Variants in AGPAT3 observed in about 807,000 individuals in gnomAD.
AGPAT3 encodes the protein 1-acyl-sn-glycerol-3-phosphate acyltransferase gamma.
Under a neutral mutation model 47.3 loss-of-function variants are expected in AGPAT3, and 5 were observed. That is an observed-to-expected ratio of 0.11 (90% CI 0.06 to 0.22). AGPAT3 has a LOEUF of 0.22. Among genes scored for constraint, AGPAT3 ranks in the 10% least tolerant of loss-of-function variants. The pLI is 1.00. For synonymous variants in AGPAT3, 212 were observed against 208.3 expected (o/e 1.02, Z -0.15); for missense variants, 315 against 493.0 (o/e 0.64, Z 3.42).
At chr21:43,901,879 A>C (rs2086365702) in intron 1 of AGPAT3, among the ~76,000 whole-genome samples, 1 of 152,258 alleles carries the variant, frequency 6.6e-6, no homozygotes, top group Non-Finnish European at 1.5e-5. Context: ...ACTTGAAGAC[A>C]CAGCACTTTG....
intron 1 of AGPAT3, among the ~76,000 whole-genome samples, chr21:43,871,358 G>A (rs2085620451): frequency 6.6e-6 from 1 of 152,208 alleles, no homozygotes; most frequent in Non-Finnish European, 1.5e-5. Flanking sequence ...GCATCAATTG[G>A]AAAAACAACG....
At chr21:43,972,170 A>C (rs866925350) in intron 7 of AGPAT3, among the ~76,000 whole-genome samples, 1 of 151,202 alleles carries the variant, frequency 6.6e-6, no homozygotes, top group Non-Finnish European at 1.5e-5. Context: ...TTGGAGACGG[A>C]GTTTCACCCC....
At chr21:43,917,125 C>T (rs1253890239) in intron 2 of AGPAT3, among the ~76,000 whole-genome samples, 1 of 152,148 alleles carries the variant, frequency 6.6e-6, no homozygotes, top group African/African-American at 2.4e-5. Context: ...GCCTGCCCCA[C>T]CGCCCCATTT....
At chr21:43,974,902 A>G (rs1601471808) in intron 7 of AGPAT3, among the ~76,000 whole-genome samples, 1 of 152,318 alleles carries the variant, frequency 6.6e-6, no homozygotes, top group South Asian at 2.1e-4. Context: ...CCTGGGGCCA[A>G]TGTGAAGCTG....
In AGPAT3 at chr21:43,884,506, C is replaced by T. The variant is rs1244510025; in HGVS notation, c.-112+19161C>T. Reference sequence around the variant, plus strand: ...CTGTGGTCTCGCCCAGCTGGCTGTGCTATTGCGGGACATGGGGCCCAGCCT... The same window carrying T: ...CTGTGGTCTCGCCCAGCTGGCTGTGTTATTGCGGGACATGGGGCCCAGCCT... On this transcript the variant is annotated intron_variant, in intron 1 of 9. Transcript: ENST00000291572. Among the ~76,000 whole-genome samples the T allele has an allele frequency of 3.9e-5, 6 of 152,338 alleles. No individual in the cohort carries two copies. In the East Asian group the frequency reaches 1.2e-3, roughly 29 times the overall value.
At chr21:43,865,883 T>TTTC (rs936507875) in intron 1 of AGPAT3, among the ~76,000 whole-genome samples, 16 of 151,868 alleles carry the variant, frequency 1.1e-4, no homozygotes, top group Non-Finnish European at 1.5e-5. Context: ...AGGGAGCAGT[T>TTTC]TCACTTTTGC....
At chr21:43,916,437 A>G (rs2086731155) in intron 2 of AGPAT3, 1 of 152,094 alleles carries the variant, frequency 6.6e-6, no homozygotes, top group Non-Finnish European at 1.5e-5. Flanking sequence ...AACATATCGA[A>G]TGACTATATC....
intron 2 of AGPAT3, among the ~76,000 whole-genome samples, chr21:43,951,305 A>G (rs1263522511): frequency 2.0e-5 from 3 of 152,250 alleles, no homozygotes; most frequent in African/African-American, 7.2e-5. Context: ...TGAAATCCAT[A>G]TGGAACTAAG....
intron 2 of AGPAT3, among the ~76,000 whole-genome samples, chr21:43,923,775 C>T (rs1341446889): frequency 1.3e-5 from 2 of 152,296 alleles, no homozygotes; most frequent in Admixed American, 1.3e-4. Context: ...GGTACCAGGG[C>T]TTCTGTCCCT....
chr21:43,892,329 A>G (rs891495760), intron 1 of AGPAT3, among the ~76,000 whole-genome samples: 2 of 152,048 alleles, frequency 1.3e-5, no homozygotes, highest in African/African-American at 4.8e-5. Flanking sequence ...AGAAAAAAAA[A>G]GAAATTACTC....
At position 43,981,248 on chromosome 21, in the gene AGPAT3, G is replaced by C; in HGVS notation, c.1042+61G>C. On this transcript the variant is annotated intron_variant, in intron 9 of 9. Transcript: ENST00000291572. The surrounding 1 kb of genome is among the most constrained non-coding windows in gnomAD (Gnocchi z 5.3). ...CGGGCCTCACAGTATCAGCCACAGG[G>C]TCCGGGACCTGGTGACTCATCACAG... 2 of 1,567,988 alleles carry C rather than the reference G, an allele frequency of 1.3e-6. No individual in the cohort carries two copies. The highest frequency in any genetic ancestry group is 1.8e-6 in the Non-Finnish European group (2 of 1,140,472).
chr21:43,947,271 C>T (rs2838446), intron 2 of AGPAT3, among the ~76,000 whole-genome samples: 67,687 of 152,144 alleles, frequency 0.44, 15,276 homozygotes, highest in East Asian at 0.6. Context: ...TTCCGATTCC[C>T]GGTGAGACAG....
At chr21:43,912,700 ATAG>A (rs2086653539) in intron 2 of AGPAT3, among the ~76,000 whole-genome samples, 1 of 152,236 alleles carries the variant, frequency 6.6e-6, no homozygotes, top group South Asian at 2.1e-4. Context: ...CTTATCGTCA[ATAG>A]TCCTGTTAAT....
intron 2 of AGPAT3, among the ~76,000 whole-genome samples, chr21:43,915,853 A>G (rs557613402): frequency 7.9e-5 from 12 of 152,106 alleles, no homozygotes; most frequent in African/African-American, 2.2e-4. Context: ...GTAATTTTCA[A>G]CTTTTTAAGT....
intron 1 of AGPAT3, among the ~76,000 whole-genome samples, chr21:43,899,120 C>T (rs1051353427): frequency 2.6e-5 from 4 of 152,188 alleles, no homozygotes; most frequent in Non-Finnish European, 5.9e-5. Flanking sequence ...TTGAAGTGCA[C>T]GTACATGAGA....
At chr21:43,910,680 AGGAATTATCT>A (rs1742016459) in intron 2 of AGPAT3, among the ~76,000 whole-genome samples, 1 of 152,192 alleles carries the variant, frequency 6.6e-6, no homozygotes, top group African/African-American at 2.4e-5. Context: ...GTGTGGGAGG[AGGAATTATCT>A]TTGTGCTCTG....
chr21:43,869,073 G>A (rs1197788273), intron 1 of AGPAT3, among the ~76,000 whole-genome samples: 2 of 152,244 alleles, frequency 1.3e-5, no homozygotes, highest in African/African-American at 2.4e-5. Context: ...TTCACTTGTA[G>A]AAGGCCGTAC....
intron 2 of AGPAT3, among the ~76,000 whole-genome samples, chr21:43,923,803 G>A (rs1397578590): frequency 1.3e-5 from 2 of 152,144 alleles, no homozygotes; most frequent in Non-Finnish European, 2.9e-5. Flanking sequence ...TGGGGTGCAC[G>A]GGCCTCCCAG....
At chr21:43,926,406 A>G (rs1419108048) in intron 2 of AGPAT3, among the ~76,000 whole-genome samples, 1 of 152,144 alleles carries the variant, frequency 6.6e-6, no homozygotes, top group Non-Finnish European at 1.5e-5. Context: ...CAGGGAGGGC[A>G]TGCGCATCTG....
Sources: allele counts gnomAD v4.1 joint callset (sites outside exome capture counted in the v4.1 genomes callset), GRCh38; gene constraint gnomAD v4.1.1; non-coding constraint Gnocchi (gnomAD v3.1); transcripts MANE v1.5; gene names NCBI Gene and HGNC (gene_info 2026-07-23, HGNC 2026-07-21).